TAB3: variants seen among roughly 807,000 people sequenced by gnomAD.
TAB3 encodes TGF-beta activated kinase 1 (MAP3K7) binding protein 3, also known as TGF-beta-activated kinase 1 and MAP3K7-binding protein 3.
TAB3 carries 18 observed loss-of-function variants against 48.1 expected under a neutral mutation model. The ratio of observed to expected loss-of-function variants is 0.37; its 90% CI spans 0.26 to 0.55. TAB3 has a LOEUF of 0.55. Ranked by LOEUF, TAB3 falls within the 20% of genes least tolerant of loss-of-function variation. The pLI is 0.78. For synonymous variants in TAB3, 185 were observed against 190.2 expected (o/e 0.97, Z 0.22); for missense variants, 414 against 549.8 (o/e 0.75, Z 2.47).
At chrX:30,840,243 T>G (rs182770620) in intron 9 of TAB3, among the ~76,000 whole-genome samples, 1 of 111,421 alleles carries the variant, frequency 9.0e-6, no homozygotes, top group Admixed American at 9.6e-5. Flanking sequence ...CTGTTTTCTA[T>G]CTCATTGACT....
intron 4 of TAB3, among the ~76,000 whole-genome samples, chrX:30,866,324 G>A (rs1329206963): frequency 9.0e-6 from 1 of 110,601 alleles, no homozygotes; most frequent in Non-Finnish European, 1.9e-5. Flanking sequence ...TTTCAGCTGA[G>A]AGGACATAGA....
intron 1 of TAB3, among the ~76,000 whole-genome samples, chrX:30,888,390 A>AG (rs1170550681): frequency 8.9e-6 from 1 of 112,629 alleles, no homozygotes; most frequent in Admixed American, 9.3e-5. Context: ...CAGTAGAAAC[A>AG]GAAGGATTTA....
intron 1 of TAB3, among the ~76,000 whole-genome samples, chrX:30,887,932 TAA>T (rs1463370437): frequency 8.9e-6 from 1 of 112,117 alleles, no homozygotes; most frequent in Non-Finnish European, 1.9e-5. Flanking sequence ...CCTACGGTTG[TAA>T]AGATTCATAT....
chrX:30,869,518 C>T (rs985625333), intron 2 of TAB3, among the ~76,000 whole-genome samples: 17 of 112,361 alleles, frequency 1.5e-4, no homozygotes, highest in Non-Finnish European at 2.6e-4. Flanking sequence ...GGATTTTTCA[C>T]TATAAATCTT....
intron 1 of TAB3, among the ~76,000 whole-genome samples, chrX:30,885,028 T>G (rs937344476): frequency 2.7e-5 from 3 of 112,463 alleles, no homozygotes; most frequent in African/African-American, 9.7e-5. Context: ...AAATTTTATT[T>G]CAAAACATGT....
intron 8 of TAB3, 28 bp from the exon 9 acceptor site, chrX:30,843,077 T>C: frequency 5.7e-6 from 5 of 871,941 alleles, no homozygotes; most frequent in Non-Finnish European, 8.1e-6. Context: ...TCATCAGGCA[T>C]TTAAGAACTC....
intron 1 of TAB3, among the ~76,000 whole-genome samples, chrX:30,882,440 A>G (rs1236941703): frequency 8.9e-6 from 1 of 111,890 alleles, no homozygotes; most frequent in Admixed American, 9.4e-5. Flanking sequence ...ATTTAGTCCC[A>G]TGAAAACACA....
At chrX:30,866,076 CAT>C (rs1408722251) in intron 4 of TAB3, among the ~76,000 whole-genome samples, 2 of 111,546 alleles carry the variant, frequency 1.8e-5, no homozygotes, top group African/African-American at 3.3e-5. Flanking sequence ...GAAATAGTCA[CAT>C]ATTCACTGCA....
At chrX:30,864,196 G>T (rs1158959410) in intron 4 of TAB3, among the ~76,000 whole-genome samples, 2 of 111,690 alleles carry the variant, frequency 1.8e-5, no homozygotes, top group Admixed American at 1.9e-4. Context: ...GCTGTGGATT[G>T]TGGAGCTGTG....
intron 1 of TAB3, among the ~76,000 whole-genome samples, chrX:30,876,125 C>T (rs1435459385): frequency 8.9e-6 from 1 of 111,951 alleles, no homozygotes; most frequent in Non-Finnish European, 1.9e-5. Flanking sequence ...AATCAGTTCA[C>T]ACACTGAATG....
Position 30,853,072 on chromosome X carries a change from G to A in TAB3, c.1550-134C>T, listed in dbSNP as rs922305827. 7 of 612,827 alleles carry A rather than the reference G, an allele frequency of 1.1e-5. No individual in the cohort carries two copies. The East Asian group carries it at 2.5e-4, about 22-fold the overall frequency. The allele number at this position is 612,827 out of a possible 1,213,427, so 50.5% of individuals were successfully genotyped here. Reference sequence around the variant, plus strand: ...GCATTTACTCTCATGTCTTTCTAATGCTATGCTGCCTCCACATCTGCTTCA... The same window carrying A: ...GCATTTACTCTCATGTCTTTCTAATACTATGCTGCCTCCACATCTGCTTCA... On this transcript the variant is annotated intron_variant, in intron 6 of 10. Transcript: ENST00000288422.
rs1441494138 is a variant in TAB3, at chrX:30,859,660, C to T, written c.-72G>A. 4.8e-6 allele frequency: 3 copies of T among 626,125 alleles called. No individual in the cohort carries two copies. The highest frequency in any genetic ancestry group is 7.5e-6 in the Non-Finnish European group (3 of 400,616). 51.6% of individuals were successfully genotyped at this position (626,125 alleles called of 1,213,427 possible). A position where few individuals can be genotyped will look rare whatever the true frequency, so the allele number is the denominator to read the frequency against. ...CCGGCTTTCCAAAAGTAATGATCTTCTAGCACCACAGTCATTTTCTATTTA... is the reference window on the plus strand; with the variant it reads ...CCGGCTTTCCAAAAGTAATGATCTTTTAGCACCACAGTCATTTTCTATTTA... On this transcript the variant is annotated 5_prime_UTR_variant, in exon 5 of 11. Coordinates refer to ENST00000288422, the MANE Select transcript of TAB3 (RefSeq NM_152787.5).
intron 1 of TAB3, among the ~76,000 whole-genome samples, chrX:30,884,734 T>G (rs1052957481): frequency 5.3e-5 from 6 of 112,223 alleles, no homozygotes; most frequent in Admixed American, 9.4e-5. Flanking sequence ...CCTCACTTAA[T>G]TGTCTGAACA....
intron 2 of TAB3, among the ~76,000 whole-genome samples, chrX:30,868,368 T>TA (rs755452674): frequency 0.057 from 282 of 4,948 alleles, 98 homozygotes; most frequent in African/African-American, 0.18. Flanking sequence ...TATATATATA[T>TA]AGCTTATATA....
At chrX:30,863,630 C>T (rs1363436073) in intron 4 of TAB3, among the ~76,000 whole-genome samples, 3 of 112,202 alleles carry the variant, frequency 2.7e-5, no homozygotes. Flanking sequence ...CATGCCTGCT[C>T]TTGCTTCACC....
intron 1 of TAB3, among the ~76,000 whole-genome samples, chrX:30,881,226 G>T (rs889917495): frequency 8.1e-5 from 9 of 110,859 alleles, no homozygotes; most frequent in African/African-American, 2.6e-4. Context: ...GTGGAGGGGG[G>T]TAAGGTAGTA....
chrX:30,839,914 T>TTATATATATA lies in TAB3; in HGVS notation c.1888+3042_1888+3051dup, dbSNP rs56260124. ...TTCAGTTTCTTTATACATATATATA[T>TTATATATATA]TATATATATATATATATATATATAT... is the stretch of plus-strand genomic sequence containing the variant. On this transcript the variant is annotated intron_variant, in intron 9 of 10. Transcript: ENST00000288422. Among the ~76,000 whole-genome samples the TTATATATATA allele has an allele frequency of 4.9e-5, 4 of 82,216 alleles. No individual in the cohort carries two copies. In the East Asian group the frequency reaches 1.1e-3, roughly 23 times the overall value. The allele number at this position is 82,216 out of a possible 115,157, so 71.4% of individuals were successfully genotyped here.
chrX:30,845,897 C>T (rs1038449767), intron 8 of TAB3: 1 of 807,945 alleles, frequency 1.2e-6, no homozygotes, highest in Non-Finnish European at 1.5e-6. Context: ...GGTAAGCAGA[C>T]AATTCAACCG....
intron 1 of TAB3, among the ~76,000 whole-genome samples, chrX:30,883,959 G>A (rs751322256): frequency 1.2e-4 from 13 of 111,232 alleles, no homozygotes; most frequent in Non-Finnish European, 1.5e-4. Context: ...TAATAAAGAC[G>A]TTGCAATTAC....
Sources: allele counts gnomAD v4.1 joint callset (sites outside exome capture counted in the v4.1 genomes callset), GRCh38; gene constraint gnomAD v4.1.1; transcripts MANE v1.5; gene names NCBI Gene and HGNC (gene_info 2026-07-23, HGNC 2026-07-21).